The following LEKR1 variants were observed in gnomAD, a reference collection of about 807,000 sequenced individuals.
The protein encoded by LEKR1 is protein LEKR1.
A neutral mutation model predicts 72.4 loss-of-function variants in LEKR1; 59 were observed. The ratio of observed to expected loss-of-function variants is 0.82; its 90% CI spans 0.66 to 1.01. The LOEUF is 1.01. LEKR1 is among the 50% of genes least tolerant of loss of function. The pLI is 0.00. For synonymous variants in LEKR1, 257 were observed against 263.2 expected, an observed-to-expected ratio of 0.98 and a Z score of 0.23; for missense variants, 728 against 759.2, an observed-to-expected ratio of 0.96 and a Z score of 0.48.
Position 156,893,773 on chromosome 3 carries a change from C to T in LEKR1, c.264-26802C>T, listed in dbSNP as rs568219600. On this transcript the variant is annotated intron_variant, in intron 3 of 12. Transcript: ENST00000356539. ...CCTCTTTTCTTTATAAATTACTCAG[C>T]CTCAGCAATGCAAAAATAGCATAAT... Among the ~76,000 whole-genome samples, 3 of 152,296 alleles carry T rather than the reference C, an allele frequency of 2.0e-5. No homozygotes were observed. In the South Asian group the frequency reaches 6.2e-4, roughly 32 times the overall value.
chr3:157,000,768 A>G, intron 9 of LEKR1, among the ~76,000 whole-genome samples: 1 of 152,170 alleles, frequency 6.6e-6, no homozygotes, highest in East Asian at 1.9e-4. Flanking sequence ...GAGTGATTCC[A>G]TTTGGATGCT....
chr3:156,885,272 T>G (rs1428543769), intron 3 of LEKR1, among the ~76,000 whole-genome samples: 1 of 152,254 alleles, frequency 6.6e-6, no homozygotes, highest in Non-Finnish European at 1.5e-5. Context: ...CTTCTGAATT[T>G]TTTATTTGGC....
Position 156,976,214 on chromosome 3 carries a change from C to G in LEKR1, c.746-2980C>G, listed in dbSNP as rs1371460340. Among the ~76,000 whole-genome samples, 4 of 152,120 alleles carry G rather than the reference C, an allele frequency of 2.6e-5. No individual in the cohort carries two copies. In the South Asian group the frequency reaches 6.2e-4, roughly 24 times the overall value. The stretch of plus-strand genomic sequence containing the variant: ...TTGAATTAGCTGCCATTTTTACTGT[C>G]TATTATTCTACTAATTCTCAGGTAA... On this transcript the variant is annotated intron_variant, in intron 6 of 12. Coordinates refer to ENST00000356539, the MANE Select transcript of LEKR1 (RefSeq NM_001004316.3).
At chr3:157,039,594 G>C (rs1002042143) in intron 12 of LEKR1, among the ~76,000 whole-genome samples, 9 of 152,090 alleles carry the variant, frequency 5.9e-5, no homozygotes, top group Non-Finnish European at 1.2e-4. Context: ...ACTCGAGCCT[G>C]GGCAACAACC....
At chr3:156,920,325 T>C (rs1333368555) in intron 3 of LEKR1, among the ~76,000 whole-genome samples, 1 of 152,178 alleles carries the variant, frequency 6.6e-6, no homozygotes, top group Non-Finnish European at 1.5e-5. Flanking sequence ...CAACAGAATA[T>C]AGATAAAAAG....
chr3:156,917,500 G>A (rs1373370501), intron 3 of LEKR1, among the ~76,000 whole-genome samples: 1 of 142,714 alleles, frequency 7.0e-6, no homozygotes, highest in Non-Finnish European at 1.6e-5. Flanking sequence ...TTCTGAAGCA[G>A]GGGGAAGGGT....
At chr3:156,827,052 A>G (rs1016519157) in intron 1 of LEKR1, 6 of 153,316 alleles carry the variant, frequency 3.9e-5, no homozygotes, top group African/African-American at 1.4e-4. Flanking sequence ...AGTGCGGTCC[A>G]CATACGTGCA....
chr3:156,953,720 A>T (rs1459621646), intron 6 of LEKR1, among the ~76,000 whole-genome samples: 1 of 152,004 alleles, frequency 6.6e-6, no homozygotes, highest in African/African-American at 2.4e-5. Flanking sequence ...ATGGCTGCAT[A>T]GTATTCCATG....
At chr3:156,845,502 G>T (rs1436530250) in intron 2 of LEKR1, among the ~76,000 whole-genome samples, 6 of 150,786 alleles carry the variant, frequency 4.0e-5, no homozygotes, top group Non-Finnish European at 7.4e-5. Flanking sequence ...GTCCCTACTT[G>T]TAGAATATGT....
chr3:157,016,370 C>A (rs1437412061), intron 10 of LEKR1, among the ~76,000 whole-genome samples: 1 of 151,862 alleles, frequency 6.6e-6, no homozygotes, highest in East Asian at 1.9e-4. Flanking sequence ...AAGGAGACAG[C>A]AGATTTTTTT....
At chr3:157,043,744 CT>C (rs1485824961) in intron 12 of LEKR1, among the ~76,000 whole-genome samples, 1 of 152,210 alleles carries the variant, frequency 6.6e-6, no homozygotes, top group Admixed American at 6.5e-5. Context: ...ACTGTTTCCA[CT>C]AGAGTTAATG....
intron 6 of LEKR1, among the ~76,000 whole-genome samples, chr3:156,945,823 G>A (rs1329740913): frequency 6.6e-6 from 1 of 151,530 alleles, no homozygotes; most frequent in African/African-American, 2.4e-5. Context: ...CTGTTTTTAT[G>A]TCAGCACCCA....
intron 3 of LEKR1, among the ~76,000 whole-genome samples, chr3:156,896,428 CAT>C (rs75766303): frequency 0.032 from 4,846 of 152,258 alleles, 117 homozygotes; most frequent in Non-Finnish European, 0.047. Flanking sequence ...AGCAGATACA[CAT>C]GTGGCCAAAA....
chr3:156,857,441 C>T (rs1438563351), intron 3 of LEKR1, among the ~76,000 whole-genome samples: 1 of 151,984 alleles, frequency 6.6e-6, no homozygotes, highest in Non-Finnish European at 1.5e-5. Context: ...TATCACTTGC[C>T]ATAAATAGAA....
chr3:156,839,609 A>G (rs904981229), intron 2 of LEKR1, among the ~76,000 whole-genome samples: 2 of 152,270 alleles, frequency 1.3e-5, no homozygotes, highest in Non-Finnish European at 1.5e-5. Flanking sequence ...GCTAACAGAC[A>G]TCACACAAGA....
chr3:157,034,007 A>G (rs547468844), intron 12 of LEKR1, among the ~76,000 whole-genome samples: 1 of 152,030 alleles, frequency 6.6e-6, no homozygotes, highest in South Asian at 2.1e-4. Context: ...TTTTTGCAGC[A>G]TGGCTTACTG....
At chr3:156,846,052 GTATT>G (rs1278848153) in intron 2 of LEKR1, among the ~76,000 whole-genome samples, 1 of 151,982 alleles carries the variant, frequency 6.6e-6, no homozygotes, top group East Asian at 1.9e-4. Flanking sequence ...CTACACCTGA[GTATT>G]TAATTTTTTG....
intron 1 of LEKR1, chr3:156,826,796 C>A (rs1711657868): frequency 6.4e-6 from 1 of 155,350 alleles, no homozygotes; most frequent in South Asian, 2.0e-4. Flanking sequence ...ATGTGAACTC[C>A]CGCCTTCACC....
chr3:156,879,029 T>C (rs1362971978), intron 3 of LEKR1, among the ~76,000 whole-genome samples: 1 of 152,158 alleles, frequency 6.6e-6, no homozygotes, highest in Non-Finnish European at 1.5e-5. Flanking sequence ...AACATGAAAA[T>C]GGACTAATAC....
Sources: gnomAD v4.1 joint callset for allele counts (sites outside exome capture counted in the v4.1 genomes callset) on GRCh38, gnomAD v4.1.1 for gene constraint, MANE v1.5 for transcripts, NCBI Gene and HGNC (gene_info 2026-07-23, HGNC 2026-07-21) for gene names.